ANAPC15: variants seen among roughly 807,000 people sequenced by gnomAD.
ANAPC15 encodes the protein anaphase-promoting complex subunit 15.
A neutral mutation model predicts 19.8 loss-of-function variants in ANAPC15; 13 were observed. The ratio of observed to expected loss-of-function variants is 0.66; its 90% CI spans 0.43 to 1.04. The LOEUF is 1.04. Among genes scored for constraint, ANAPC15 ranks in the 50% least tolerant of loss-of-function variants. The pLI is 0.00. For synonymous variants in ANAPC15, 45 were observed against 50.7 expected, an observed-to-expected ratio of 0.89 and a Z score of 0.47; for missense variants, 88 against 150.3, an observed-to-expected ratio of 0.59 and a Z score of 2.17.
intron 3 of ANAPC15, 73 bp downstream of exon 3, chr11:72,111,084 G>A (rs954271952): frequency 9.4e-7 from 1 of 1,062,808 alleles, no homozygotes; most frequent in South Asian, 1.3e-5. Context: ...CTGGAGTAAG[G>A]CTGGGTCATG....
At chr11:72,109,179 C>T (rs1457436162), downstream of ANAPC15, 18 of 519,074 alleles carry the variant, frequency 3.5e-5, no homozygotes, top group East Asian at 4.6e-4. Flanking sequence ...CCTGAGCTCC[C>T]GACCCAGCTC....
downstream of ANAPC15, chr11:72,109,035 G>A (rs1204512529): frequency 2.1e-6 from 2 of 956,726 alleles, no homozygotes; most frequent in African/African-American, 1.7e-5. Context: ...CTGGGCTCAG[G>A]GCTAGGGAGT....
In ANAPC15 at chr11:72,111,119, G is replaced by GTGCTGGGTTCTCTGTCTA. The variant is rs144948522; in HGVS notation, c.120+37_120+38insTAGACAGAGAACCCAGCA. ...GGCCCACTGAAGGAGGTCTCTGTCT[G>GTGCTGGGTTCTCTGTCTA]TGCTGAGGTCTCTGTGCTGTGCTAG... is the stretch of plus-strand genomic sequence containing the variant. On this transcript the variant is annotated intron_variant, in intron 3 of 5. Transcript: ENST00000227618. 8.0e-6 allele frequency: 11 copies of GTGCTGGGTTCTCTGTCTA among 1,371,886 alleles called. No homozygotes were observed. The South Asian group carries it at 1.3e-4, about 16-fold the overall frequency. 85.0% of individuals were successfully genotyped at this position (1,371,886 alleles called of 1,614,324 possible). A position where few individuals can be genotyped will look rare whatever the true frequency, so the allele number is the denominator to read the frequency against.
Position 72,109,740 on chromosome 11 carries a change from TG to T in ANAPC15, c.*140del. ...GGGAGGGGCCAAAGAGACCAGATCCTGGCAGCAGCTGAGGAGGTGCCCAAGG... is the reference window on the plus strand; with the variant it reads ...GGGAGGGGCCAAAGAGACCAGATCCTGCAGCAGCTGAGGAGGTGCCCAAGG... On this transcript the variant is annotated 3_prime_UTR_variant, in exon 6 of 6. Transcript: ENST00000227618. The T allele has an allele frequency of 1.0e-6, 1 of 1,003,882 alleles. No homozygotes were observed. Among genetic ancestry groups the T allele is most frequent in the Non-Finnish European group, 1.5e-6 (1 of 649,378 alleles). 62.2% of individuals were successfully genotyped at this position (1,003,882 alleles called of 1,614,324 possible).
At chr11:72,110,829 T>A in intron 3 of ANAPC15, 1 of 588,626 alleles carries the variant, frequency 1.7e-6, no homozygotes, top group Admixed American at 3.2e-5. Flanking sequence ...ATGGTGAGGA[T>A]GAAGTGAGAG....
intron 4 of ANAPC15, 107 bp downstream of exon 4, chr11:72,110,437 T>G: frequency 3.2e-6 from 5 of 1,552,780 alleles, no homozygotes; most frequent in Non-Finnish European, 4.4e-6. Context: ...TTTACCCAGA[T>G]CTGAGAACCA....
chr11:72,110,002 T>C, intron 5 of ANAPC15, 74 bp from the exon 6 acceptor site: 1 of 1,613,896 alleles, frequency 6.2e-7, no homozygotes. Context: ...CCTGGCTGGA[T>C]CCAGGGTTTC....
chr11:72,110,733 A>ATTGTATCTCCCT, intron 3 of ANAPC15, 130 bp from the exon 4 acceptor site: 1 of 893,280 alleles, frequency 1.1e-6, no homozygotes. Context: ...GTTCTCAGGG[A>ATTGTATCTCCCT]GATACAATCC....
Position 72,109,915 on chromosome 11 carries a change from C to T in ANAPC15, c.332G>A (p.Gly111Asp). 6.2e-7 allele frequency: 1 copy of T among 1,614,134 alleles called. No homozygotes were observed. The highest frequency in any genetic ancestry group is 8.5e-7 in the Non-Finnish European group (1 of 1,180,022). ...DGEVNEVDME[G>D]NEQDQDQWMI ...CCACTGGTCCTGATCCTGTTCGTTG[C>T]CTTCCATGTCCACCTGGAGAGGAGG... Residue 111 changes from glycine to aspartate, a missense_variant, in exon 6 of 6, where the codon GGC becomes GAC. Gly to Asp is a moderately conservative substitution (Grantham distance 94). Transcript: ENST00000227618.
rs186960319 is a variant in ANAPC15 at position 72,109,776 on chromosome 11, G to A, written c.*105C>T. ...GAGGAGGTGCCCAAGGGCACTTTCA[G>A]GCACTGGGGCCATCAGCTGGTTCTG... is the stretch of plus-strand genomic sequence containing the variant. On this transcript the variant is annotated 3_prime_UTR_variant, in exon 6 of 6. Coordinates refer to ENST00000227618, the MANE Select transcript of ANAPC15 (RefSeq NM_014042.3). The A allele has an allele frequency of 2.6e-4, 373 of 1,441,220 alleles. 7 individuals carry two copies. In the East Asian group the frequency reaches 8.0e-3, roughly 31 times the overall value. 89.3% of individuals were successfully genotyped at this position (1,441,220 alleles called of 1,614,324 possible). A position where few individuals can be genotyped will look rare whatever the true frequency, so the allele number is the denominator to read the frequency against.
downstream of ANAPC15, chr11:72,107,706 A>G (rs182603084): frequency 1.8e-4 from 109 of 619,978 alleles, no homozygotes; most frequent in Admixed American, 2.9e-3. Flanking sequence ...CCAAGGAGTA[A>G]TAAGGTCAGA....
chr11:72,108,589 C>T, downstream of ANAPC15: 1 of 1,441,040 alleles, frequency 6.9e-7, no homozygotes, highest in Non-Finnish European at 9.1e-7. Flanking sequence ...ACCTCCAGCT[C>T]CCCCTATCCC....
intron 1 of ANAPC15, chr11:72,112,167 C>T (rs1947173323): frequency 6.5e-6 from 1 of 154,242 alleles, no homozygotes; most frequent in Non-Finnish European, 1.5e-5. Flanking sequence ...GCTGCCCTTC[C>T]CTGTATCTCA....
chr11:72,112,730 T>C, upstream of ANAPC15: 1 of 456,638 alleles, frequency 2.2e-6, no homozygotes, highest in South Asian at 1.5e-5. Context: ...AATCCGGGAC[T>C]CACCAAACGC....
chr11:72,110,724 TTC>T (rs1946594225), intron 3 of ANAPC15, 121 bp from the exon 4 acceptor site: 2 of 1,007,418 alleles, frequency 2.0e-6, no homozygotes, highest in East Asian at 5.0e-5. Flanking sequence ...TTCCTCCCAG[TTC>T]TCAGGGAGAT....
downstream of ANAPC15, chr11:72,108,929 C>T (rs1946029918): frequency 6.6e-7 from 1 of 1,519,240 alleles, no homozygotes. Context: ...AGGCTGAGGT[C>T]CAGGCCCAGG....
Position 72,111,416 on chromosome 11 carries a change from CTT to C in ANAPC15, c.-17_-16del. ...CCCCCTAGGAATCAGACAGACCTGG[CTT>C]TGAGTCCTGGCTCCACCACTTACTA... On this transcript the variant is annotated 5_prime_UTR_variant, in exon 2 of 6. Coordinates refer to ENST00000227618, the MANE Select transcript of ANAPC15 (RefSeq NM_014042.3). 1.4e-6 allele frequency: 1 copy of C among 696,662 alleles called. No homozygotes were observed. Among genetic ancestry groups the C allele is most frequent in the South Asian group, 1.7e-5 (1 of 57,474 alleles). The allele number at this position is 696,662 out of a possible 1,614,324, so 43.2% of individuals were successfully genotyped here. A position where few individuals can be genotyped will look rare whatever the true frequency, so the allele number is the denominator to read the frequency against.
chr11:72,107,938 G>A (rs572570513), downstream of ANAPC15: 76 of 1,551,650 alleles, frequency 4.9e-5, no homozygotes, highest in African/African-American at 3.6e-4. Context: ...ATCCTGATGC[G>A]GCTGGTGGAG....
chr11:72,109,910 C>T lies in ANAPC15; in HGVS notation c.337G>A (p.Glu113Lys), dbSNP rs982888986. The T allele has an allele frequency of 1.2e-6, 2 of 1,613,946 alleles. No individual in the cohort carries two copies. The highest frequency in any genetic ancestry group is 1.7e-6 in the Non-Finnish European group (2 of 1,180,024). Residue 113 changes from glutamate (E) to lysine (K), a missense_variant, in exon 6 of 6, where the codon GAA becomes AAA. By Grantham distance (56) the Glu-to-Lys change is moderately conservative. Transcript: ENST00000227618. ...ATCATCCACTGGTCCTGATCCTGTTCGTTGCCTTCCATGTCCACCTGGAGA... is the reference window on the plus strand; with the variant it reads ...ATCATCCACTGGTCCTGATCCTGTTTGTTGCCTTCCATGTCCACCTGGAGA... ...EVNEVDMEGN[E>K]QDQDQWMI
Sources: allele counts gnomAD v4.1 joint callset, GRCh38; gene constraint gnomAD v4.1.1; transcripts MANE v1.5; gene names NCBI Gene and HGNC (gene_info 2026-07-23, HGNC 2026-07-21).